The following PUDP variants were observed in gnomAD, a reference collection of about 807,000 sequenced individuals.
PUDP encodes the protein pseudouridine-5'-phosphatase.
In PUDP, 8 loss-of-function variants were observed where a neutral mutation model predicts 9.4. That is an observed-to-expected ratio of 0.85 (90% confidence interval 0.50 to 1.53). The LOEUF (loss-of-function observed/expected upper bound fraction) is 1.53, where lower values mean the gene tolerates loss of function less well. PUDP is among the 40% of genes most tolerant of loss of function. PUDP has a pLI of 0.00. For missense variants in PUDP, 188 were observed against 189.7 expected (o/e 0.99, Z 0.05); for synonymous variants, 99 against 80.7 (o/e 1.23, Z -1.22).
At chrX:7,052,502 C>T (rs1930131420) in intron 3 of PUDP, among the ~76,000 whole-genome samples, 2 of 112,285 alleles carry the variant, frequency 1.8e-5, no homozygotes, top group African/African-American at 6.5e-5. Context: ...CTGAAACACA[C>T]ACACAGTCTT....
intron 1 of PUDP, among the ~76,000 whole-genome samples, chrX:7,135,730 T>C (rs1932726875): frequency 8.9e-6 from 1 of 111,985 alleles, no homozygotes; most frequent in Non-Finnish European, 1.9e-5. Flanking sequence ...TAAGACTTAA[T>C]CTTCCCTTTC....
chrX:7,064,215 C>A (rs1040657114), intron 3 of PUDP, among the ~76,000 whole-genome samples: 2 of 111,684 alleles, frequency 1.8e-5, no homozygotes, highest in Non-Finnish European at 3.8e-5. Flanking sequence ...AGAGCCCACT[C>A]TCTAGTCATG....
intron 1 of PUDP, among the ~76,000 whole-genome samples, chrX:7,035,338 T>G (rs1371125900): frequency 8.9e-6 from 1 of 112,099 alleles, no homozygotes; most frequent in East Asian, 2.8e-4. Flanking sequence ...TAACCACTTA[T>G]GCAATTATTT....
intron 3 of PUDP, among the ~76,000 whole-genome samples, chrX:6,783,593 C>T (rs1408390244): frequency 6.3e-5 from 7 of 111,545 alleles, no homozygotes; most frequent in East Asian, 5.6e-4. Context: ...GCAATGAACA[C>T]GAGTGGTGAT....
At chrX:7,041,849 C>T (rs1929925198) in intron 1 of PUDP, among the ~76,000 whole-genome samples, 1 of 87,184 alleles carries the variant, frequency 1.1e-5, no homozygotes, top group Admixed American at 1.4e-4. Flanking sequence ...GCTTCTACTT[C>T]CCAGTCTCTC....
intron 1 of PUDP, among the ~76,000 whole-genome samples, chrX:6,713,076 C>G (rs763936297): frequency 8.9e-6 from 1 of 111,739 alleles, no homozygotes; most frequent in South Asian, 3.8e-4. Context: ...CACCAAAAGG[C>G]TTAATGTTGG....
At chrX:6,752,262 T>C (rs1925103315) in intron 3 of PUDP, among the ~76,000 whole-genome samples, 1 of 111,701 alleles carries the variant, frequency 9.0e-6, no homozygotes, top group Admixed American at 9.6e-5. Context: ...TCATTCCTCC[T>C]TTTTCTGATC....
intron 3 of PUDP, among the ~76,000 whole-genome samples, chrX:6,891,555 T>A (rs1001384329): frequency 1.8e-5 from 2 of 112,263 alleles, no homozygotes; most frequent in African/African-American, 6.5e-5. Context: ...TCCTTTCTCC[T>A]CTCTGTCAGC....
intron 3 of PUDP, among the ~76,000 whole-genome samples, chrX:6,850,201 C>T (rs763067587): frequency 1.8e-5 from 2 of 111,789 alleles, no homozygotes; most frequent in Non-Finnish European, 3.8e-5. Context: ...GTGCAGGTTT[C>T]CACAAACACT....
intron 3 of PUDP, among the ~76,000 whole-genome samples, chrX:6,968,160 C>T (rs1352996582): frequency 8.9e-6 from 1 of 112,209 alleles, no homozygotes; most frequent in Non-Finnish European, 1.9e-5. Flanking sequence ...TGTTAATCTG[C>T]CTTTTGTAAG....
chrX:7,016,344 C>G (rs1212225412), intron 1 of PUDP, among the ~76,000 whole-genome samples: 4 of 110,296 alleles, frequency 3.6e-5, no homozygotes, highest in African/African-American at 1.3e-4. Flanking sequence ...GTATTCAGGT[C>G]ATGGGGGAAG....
chrX:7,028,129 TA>T (rs1929744633), intron 1 of PUDP, among the ~76,000 whole-genome samples: 1 of 107,497 alleles, frequency 9.3e-6, no homozygotes, highest in African/African-American at 3.3e-5. Context: ...TATCATTCAA[TA>T]AAAATATATA....
At chrX:6,839,066 G>C (rs755711882) in intron 3 of PUDP, among the ~76,000 whole-genome samples, 31 of 112,120 alleles carry the variant, frequency 2.8e-4, no homozygotes, top group Non-Finnish European at 5.1e-4. Flanking sequence ...TGCATCATAG[G>C]TAACTACACA....
At chrX:6,837,123 G>A (rs1276923471) in intron 3 of PUDP, among the ~76,000 whole-genome samples, 1 of 112,460 alleles carries the variant, frequency 8.9e-6, no homozygotes, top group Non-Finnish European at 1.9e-5. Context: ...AGGGAATATG[G>A]AATTGAGTCA....
Position 7,065,793 on chromosome X carries a change from A to G in PUDP, c.510+11427T>C, listed in dbSNP as rs982136708. 5.4e-5 allele frequency among the ~76,000 whole-genome samples: 6 copies of G among 112,002 alleles called. No individual in the cohort carries two copies. In the Admixed American group the frequency reaches 5.7e-4, roughly 11 times the overall value. ...TCCTCAACTACAGCAATGTTATGCA[A>G]TGCAAGGTGGGGAGCCATACATACA... On this transcript the variant is annotated intron_variant, in intron 3 of 3. Coordinates refer to ENST00000381077, the MANE Select transcript of PUDP (RefSeq NM_012080.5).
chrX:7,134,277 G>A (rs778562695), intron 1 of PUDP, among the ~76,000 whole-genome samples: 18 of 112,213 alleles, frequency 1.6e-4, no homozygotes, highest in Admixed American at 2.8e-4. Flanking sequence ...TTAGATGTCA[G>A]CTGGTGAGAG....
chrX:6,993,835 C>A (rs1159536946), intron 1 of PUDP, among the ~76,000 whole-genome samples: 2 of 111,901 alleles, frequency 1.8e-5, no homozygotes, highest in African/African-American at 6.5e-5. Flanking sequence ...TTGGACTGAG[C>A]TCACCCCACA....
At chrX:6,738,904 G>A (rs1217330365) in intron 3 of PUDP, among the ~76,000 whole-genome samples, 3 of 110,896 alleles carry the variant, frequency 2.7e-5, no homozygotes, top group Admixed American at 9.6e-5. Context: ...TCTTTTTTTC[G>A]GTGCTTTTGA....
intron 3 of PUDP, among the ~76,000 whole-genome samples, chrX:6,775,504 T>TATACACACATAC (rs777420687): frequency 1.1e-4 from 11 of 100,843 alleles, no homozygotes; most frequent in East Asian, 3.1e-4. Flanking sequence ...TACACACACA[T>TATACACACATAC]ACACACACAC....
Sources: gnomAD v4.1 joint callset for allele counts (sites outside exome capture counted in the v4.1 genomes callset) on GRCh38, gnomAD v4.1.1 for gene constraint, MANE v1.5 for transcripts, NCBI Gene and HGNC (gene_info 2026-07-23, HGNC 2026-07-21) for gene names.